The following VTI1A variants were observed in gnomAD, a reference collection of about 807,000 sequenced individuals.
VTI1A encodes the protein vesicle transport through interaction with t-SNAREs homolog 1A.
In VTI1A, 22 loss-of-function variants were observed where a neutral mutation model predicts 34.9. The observed-to-expected ratio is 0.63, with a 90% CI of 0.45 to 0.90. The LOEUF is 0.90. VTI1A is among the 40% of genes least tolerant of loss of function. The pLI is 0.00. For missense variants in VTI1A, 268 were observed against 275.6 expected, an observed-to-expected ratio of 0.97 and a Z score of 0.20; for synonymous variants, 87 against 97.3, an observed-to-expected ratio of 0.89 and a Z score of 0.62.
At chr10:112,797,111 A>G (rs1852700444) in intron 7 of VTI1A, among the ~76,000 whole-genome samples, 1 of 152,190 alleles carries the variant, frequency 6.6e-6, no homozygotes, top group African/African-American at 2.4e-5. Flanking sequence ...GGAACCAAAA[A>G]GCGGAGTAAA....
At position 112,767,681 on chromosome 10, in the gene VTI1A, C is replaced by T. The variant is rs1008610527; in HGVS notation, c.561-47609C>T. 5.3e-5 allele frequency among the ~76,000 whole-genome samples: 8 copies of T among 151,636 alleles called. No individual in the cohort carries two copies. Among genetic ancestry groups the T allele is most frequent in the Non-Finnish European group, 1.2e-4 (8 of 67,966 alleles). On this transcript the variant is annotated intron_variant, in intron 7 of 7. Transcript: ENST00000393077. This position sits in a 1 kb window ranked among gnomAD's most constrained non-coding sequence, Gnocchi z 4.0. The stretch of plus-strand genomic sequence containing the variant: ...GCCTGCCTACCTTATTTCTTCCTTA[C>T]TCTTTTTTTTTTTCTGTTTCTCTGT...
chr10:112,554,795 C>T (rs1398217139), intron 5 of VTI1A, among the ~76,000 whole-genome samples: 1 of 152,106 alleles, frequency 6.6e-6, no homozygotes, highest in Non-Finnish European at 1.5e-5. Flanking sequence ...TCCTCCCACT[C>T]TCTACCTCTC....
intron 2 of VTI1A, 75 bp from the exon 3 acceptor site, chr10:112,464,472 C>A: frequency 1.5e-6 from 2 of 1,324,212 alleles, no homozygotes; most frequent in South Asian, 1.3e-5. Context: ...GGAATTAGAT[C>A]CTTTCAGCCG....
At chr10:112,838,526 A>G in the VTI1A span, among the ~76,000 whole-genome samples, 1 of 152,222 alleles carries the variant, frequency 6.6e-6, no homozygotes, top group East Asian at 1.9e-4. Context: ...TCATGTGTCC[A>G]GTATTTTATT....
chr10:112,669,068 G>T, intron 7 of VTI1A, 70 bp downstream of exon 7: 1 of 1,554,068 alleles, frequency 6.4e-7, no homozygotes, highest in Non-Finnish European at 8.8e-7. Flanking sequence ...TCATTCAATT[G>T]CAATGGGGCA....
chr10:112,524,137 G>C (rs1013757096), intron 3 of VTI1A, among the ~76,000 whole-genome samples: 2 of 151,746 alleles, frequency 1.3e-5, no homozygotes, highest in African/African-American at 4.8e-5. Flanking sequence ...CCCTTTTTTG[G>C]TATTCAGTTA....
chr10:112,661,132 C>A (rs1305684176), intron 5 of VTI1A, among the ~76,000 whole-genome samples: 1 of 152,168 alleles, frequency 6.6e-6, no homozygotes, highest in African/African-American at 2.4e-5. Flanking sequence ...AGGCATGTGC[C>A]ACCACACACG....
At chr10:112,762,724 G>T (rs952393337) in intron 7 of VTI1A, among the ~76,000 whole-genome samples, 3 of 152,104 alleles carry the variant, frequency 2.0e-5, no homozygotes, top group African/African-American at 7.2e-5. Context: ...TGTTGAATAT[G>T]AGGCTATCAC....
chr10:112,688,595 C>G (rs1175295959), intron 7 of VTI1A, among the ~76,000 whole-genome samples: 1 of 146,846 alleles, frequency 6.8e-6, no homozygotes, highest in East Asian at 2.0e-4. Context: ...AATCTTGGCT[C>G]ACTGCAACCT....
the VTI1A span, among the ~76,000 whole-genome samples, chr10:112,837,459 G>A: frequency 1.3e-5 from 2 of 152,188 alleles, no homozygotes; most frequent in African/African-American, 4.8e-5. Flanking sequence ...ATTTCCAGGC[G>A]TGGTTGCGTG....
intron 7 of VTI1A, among the ~76,000 whole-genome samples, chr10:112,763,169 A>T (rs1031148102): frequency 6.6e-6 from 1 of 152,048 alleles, no homozygotes; most frequent in African/African-American, 2.4e-5. Context: ...TCACACCTGT[A>T]ATCCCAAAGG....
chr10:112,551,243 CAAAAAAAA>C, intron 5 of VTI1A, among the ~76,000 whole-genome samples: 1 of 22,072 alleles, frequency 4.5e-5, no homozygotes, highest in South Asian at 2.2e-3. Flanking sequence ...TACTCCATCT[CAAAAAAAA>C]AAAAAAAAAA....
intron 3 of VTI1A, among the ~76,000 whole-genome samples, chr10:112,510,085 A>G (rs1259566326): frequency 2.0e-5 from 3 of 152,182 alleles, no homozygotes; most frequent in Non-Finnish European, 4.4e-5. Flanking sequence ...TCAAAATTAG[A>G]CAGATCAGCA....
At chr10:112,713,626 G>C (rs550106465) in intron 7 of VTI1A, among the ~76,000 whole-genome samples, 1 of 152,184 alleles carries the variant, frequency 6.6e-6, no homozygotes, top group African/African-American at 2.4e-5. Context: ...GATACCAGCT[G>C]GGTTCTCATC....
At chr10:112,855,274 C>A in the VTI1A span, among the ~76,000 whole-genome samples, 2 of 152,162 alleles carry the variant, frequency 1.3e-5, no homozygotes, top group South Asian at 2.1e-4. Context: ...ACTCTACCCC[C>A]ACCTCCTCAT....
intron 7 of VTI1A, chr10:112,752,586 A>T (rs1007923624): frequency 3.3e-5 from 33 of 985,232 alleles, no homozygotes; most frequent in Non-Finnish European, 2.0e-5. Context: ...CCACTTAATA[A>T]AATGTATTTT....
At chr10:112,829,999 G>A in the VTI1A span, among the ~76,000 whole-genome samples, 6 of 152,124 alleles carry the variant, frequency 3.9e-5, no homozygotes, top group Non-Finnish European at 7.4e-5. Flanking sequence ...TAAAAGGGAA[G>A]TAGAGAAGAA....
intron 3 of VTI1A, among the ~76,000 whole-genome samples, chr10:112,500,920 G>A (rs1849212363): frequency 6.6e-6 from 1 of 152,074 alleles, no homozygotes; most frequent in Non-Finnish European, 1.5e-5. Context: ...AAACTACTTA[G>A]CATGTAAGCC....
chr10:112,459,852 T>C (rs1020850942), intron 1 of VTI1A, among the ~76,000 whole-genome samples: 19 of 152,198 alleles, frequency 1.2e-4, no homozygotes, highest in African/African-American at 4.6e-4. Flanking sequence ...CTTAGCACTT[T>C]ATAATATTAA....
Sources: gnomAD v4.1 joint callset for allele counts (sites outside exome capture counted in the v4.1 genomes callset) on GRCh38, gnomAD v4.1.1 for gene constraint, Gnocchi (gnomAD v3.1) non-coding constraint, MANE v1.5 for transcripts, NCBI Gene and HGNC (gene_info 2026-07-23, HGNC 2026-07-21) for gene names.